AIRIM: variants seen among roughly 807,000 people sequenced by gnomAD.
AIRIM encodes the protein AFG2-interacting ribosome maturation factor.
At chr1:37,682,214 G>C in the AIRIM span, 1 of 151,958 alleles carries the variant, frequency 6.6e-6, no homozygotes, top group Non-Finnish European at 1.5e-5. Flanking sequence ...TTTCATTTTT[G>C]AAAAATATCT....
At chr1:37,683,044 C>G in the AIRIM span, 1 of 1,403,526 alleles carries the variant, frequency 7.1e-7, no homozygotes, top group Non-Finnish European at 1.0e-6. Flanking sequence ...GAAATACTGA[C>G]GTTTCTTTAG....
chr1:37,682,987 A>C, the AIRIM span: 3 of 898,084 alleles, frequency 3.3e-6, no homozygotes, highest in Non-Finnish European at 5.2e-6. Context: ...CCTCCCCAAG[A>C]CCCAGTCCTA....
At chr1:37,683,112 G>A in the AIRIM span, 5 of 1,611,490 alleles carry the variant, frequency 3.1e-6, no homozygotes, top group South Asian at 3.3e-5. Context: ...CTCCAGATAC[G>A]CATAGCTTCC....
chr1:37,685,196 G>C, the AIRIM span, among the ~76,000 whole-genome samples: 2 of 127,966 alleles, frequency 1.6e-5, no homozygotes, highest in African/African-American at 2.9e-5. Context: ...TTTTTTTGGG[G>C]GGGGGGGGTG....
At chr1:37,689,977 C>A in the AIRIM span, 7 of 1,454,052 alleles carry the variant, frequency 4.8e-6, 1 homozygote, top group South Asian at 1.0e-4. Flanking sequence ...TCTCTGTTAT[C>A]GTGTTCAGAC....
the AIRIM span, among the ~76,000 whole-genome samples, chr1:37,687,127 GT>G: frequency 6.8e-6 from 1 of 147,726 alleles, no homozygotes; most frequent in South Asian, 2.2e-4. Flanking sequence ...TTTTGTTTTT[GT>G]TTTTTGTTTT....
At chr1:37,689,486 G>A in the AIRIM span, 2 of 1,217,538 alleles carry the variant, frequency 1.6e-6, no homozygotes, top group Non-Finnish European at 2.3e-6. Context: ...GGAAGGTTGA[G>A]ATACCTCCAC....
At chr1:37,685,184 CT>C in the AIRIM span, among the ~76,000 whole-genome samples, 7 of 70,412 alleles carry the variant, frequency 9.9e-5, no homozygotes, top group African/African-American at 4.3e-4. Flanking sequence ...CACTCGAATG[CT>C]TTTTTTTGGG....
the AIRIM span, chr1:37,683,765 C>T: frequency 5.1e-6 from 1 of 195,184 alleles, no homozygotes; most frequent in Non-Finnish European, 1.1e-5. Context: ...ACATCCAATT[C>T]AGAGGAAGCA....
the AIRIM span, chr1:37,689,787 G>A: frequency 3.1e-6 from 5 of 1,613,132 alleles, no homozygotes; most frequent in Non-Finnish European, 4.2e-6. Flanking sequence ...CAGTCCCGCA[G>A]GGCACTCTGC....
At chr1:37,684,093 T>C in the AIRIM span, 1 of 152,198 alleles carries the variant, frequency 6.6e-6, no homozygotes, top group Non-Finnish European at 1.5e-5. Flanking sequence ...GGAAAGAAAC[T>C]AGACAGAGAA....
the AIRIM span, chr1:37,692,206 C>CA: frequency 5.7e-6 from 1 of 174,450 alleles, no homozygotes; most frequent in Non-Finnish European, 1.3e-5. Context: ...AGTAGGCCCC[C>CA]AGCCCTCCAG....
the AIRIM span, among the ~76,000 whole-genome samples, chr1:37,687,006 A>C: frequency 6.6e-6 from 1 of 151,410 alleles, no homozygotes; most frequent in Non-Finnish European, 1.5e-5. Context: ...CAGTGAGCCA[A>C]GTTCGCGTCA....
chr1:37,683,284 G>T, the AIRIM span: 2 of 1,613,560 alleles, frequency 1.2e-6, no homozygotes, highest in East Asian at 4.5e-5. Flanking sequence ...GAGAAAGGAG[G>T]AGAGGAGACA....
At chr1:37,685,591 T>C in the AIRIM span, among the ~76,000 whole-genome samples, 1 of 151,920 alleles carries the variant, frequency 6.6e-6, no homozygotes, top group African/African-American at 2.4e-5. Context: ...TTTCACCATG[T>C]TGCCCAGGCT....
chr1:37,691,666 A>G, the AIRIM span: 2 of 152,400 alleles, frequency 1.3e-5, no homozygotes, highest in Admixed American at 6.5e-5. Flanking sequence ...CTACACGCCC[A>G]TTCCCAGGCC....
the AIRIM span, among the ~76,000 whole-genome samples, chr1:37,686,655 A>G: frequency 3.3e-5 from 5 of 152,210 alleles, no homozygotes; most frequent in African/African-American, 7.2e-5. Flanking sequence ...TCCATAAGCC[A>G]TAACAACCAA....
chr1:37,685,009 T>A, the AIRIM span, among the ~76,000 whole-genome samples: 3 of 151,900 alleles, frequency 2.0e-5, no homozygotes, highest in African/African-American at 7.3e-5. Context: ...AAAAAAAAAT[T>A]TTTTTGAGAG....
At chr1:37,687,010 C>T in the AIRIM span, among the ~76,000 whole-genome samples, 7 of 151,450 alleles carry the variant, frequency 4.6e-5, no homozygotes, top group South Asian at 2.1e-4. Flanking sequence ...GAGCCAAGTT[C>T]GCGTCACTGC....
Sources: gnomAD v4.1 joint callset for allele counts (sites outside exome capture counted in the v4.1 genomes callset) on GRCh38, gnomAD v4.1.1 for gene constraint, MANE v1.5 for transcripts, NCBI Gene and HGNC (gene_info 2026-07-23, HGNC 2026-07-21) for gene names.